PDLIM4: variants seen among roughly 807,000 people sequenced by gnomAD.
The protein encoded by PDLIM4 is PDZ and LIM domain 4.
A neutral mutation model predicts 31.3 loss-of-function variants in PDLIM4; 19 were observed. The ratio of observed to expected loss-of-function variants is 0.61; its 90% confidence interval spans 0.42 to 0.89. The LOEUF (loss-of-function observed/expected upper bound fraction) is 0.89, where lower values mean the gene tolerates loss of function less well. Ranked by LOEUF, PDLIM4 falls within the 40% of genes least tolerant of loss-of-function variation. The pLI is 0.00. For missense variants in PDLIM4, 442 were observed against 461.1 expected (o/e 0.96, Z 0.38); for synonymous variants, 176 against 190.1 (o/e 0.93, Z 0.61).
chr5:132,264,197 C>T (rs966368832), intron 2 of PDLIM4, among the ~76,000 whole-genome samples: 17 of 152,068 alleles, frequency 1.1e-4, no homozygotes, highest in African/African-American at 3.4e-4. Context: ...ATGATGTCAG[C>T]GGAGGGTGGT....
chr5:132,272,118 C>T lies in PDLIM4; in HGVS notation c.882C>T (p.Phe294=). 1.2e-6 allele frequency: 2 copies of T among 1,614,254 alleles called. No individual in the cohort carries two copies. Among genetic ancestry groups the T allele is most frequent in the Non-Finnish European group, 1.7e-6 (2 of 1,180,034 alleles). The change falls in exon 7 of 7, where the codon TTC becomes TTT. Residue 294 remains phenylalanine (F), a synonymous_variant. Transcript: ENST00000253754. ...CGLNLKQRGY[F]FLDERLYCES... is the part of the protein sequence containing the mutation. ...TGAACCTCAAGCAGCGTGGTTACTT[C>T]TTTCTGGACGAGCGGCTCTACTGTG...
chr5:132,271,902 G>A lies in PDLIM4; in HGVS notation c.782G>A (p.Gly261Asp), dbSNP rs1161753882. The change falls in exon 6 of 7, where the codon GGC becomes GAC. Residue 261 changes from glycine to aspartate, a missense_variant. Gly to Asp is a moderately conservative substitution (Grantham distance 94). Coordinates refer to ENST00000253754, the MANE Select transcript of PDLIM4 (RefSeq NM_003687.4). ...GLPECTRCGHGIVGTIVKARD... is the reference protein window; with the variant it reads ...GLPECTRCGHDIVGTIVKARD... Reference sequence around the variant, plus strand: ...CCCGAGTGCACGCGCTGCGGCCACGGCATCGTGTGAGTAACCGCCCCCGCT... The same window carrying A: ...CCCGAGTGCACGCGCTGCGGCCACGACATCGTGTGAGTAACCGCCCCCGCT... The A allele has an allele frequency of 6.2e-7, 1 of 1,605,954 alleles. No individual in the cohort carries two copies. Among genetic ancestry groups the A allele is most frequent in the South Asian group, 1.1e-5 (1 of 90,730 alleles).
chr5:132,266,598 A>C (rs1756497728), intron 3 of PDLIM4, 53 bp downstream of exon 3: 1 of 1,223,254 alleles, frequency 8.2e-7, no homozygotes, highest in Non-Finnish European at 1.2e-6. Flanking sequence ...CCCAGGGCAG[A>C]GGGGCCAGCA....
intron 2 of PDLIM4, among the ~76,000 whole-genome samples, chr5:132,263,702 G>C (rs888409898): frequency 6.6e-6 from 1 of 152,222 alleles, no homozygotes; most frequent in Admixed American, 6.5e-5. Context: ...GTGGAAGTAC[G>C]TGGGCAAAGC....
chr5:132,257,873 A>T lies in PDLIM4; in HGVS notation c.93+46A>T. 1 of 1,170,796 alleles carries T rather than the reference A, an allele frequency of 8.5e-7. No homozygotes were observed. The highest frequency in any genetic ancestry group is 3.2e-5 in the East Asian group (1 of 31,530). The allele number at this position is 1,170,796 out of a possible 1,614,324, so 72.5% of individuals were successfully genotyped here. Reference sequence around the variant, plus strand: ...GCGGCAGGGCGGTCCCATGTCTGAGACCGGGTTCTCGCGGTCCGCCCGGGA... The same window carrying T: ...GCGGCAGGGCGGTCCCATGTCTGAGTCCGGGTTCTCGCGGTCCGCCCGGGA... On this transcript the variant is annotated intron_variant, in intron 1 of 6. Transcript: ENST00000253754. This position sits in a 1 kb window ranked among gnomAD's most constrained non-coding sequence, Gnocchi z 4.3.
rs1756500128 is a variant in PDLIM4 at position 132,266,729 on chromosome 5, C to T, written c.327+184C>T. On this transcript the variant is annotated intron_variant, in intron 3 of 6. Transcript: ENST00000253754. ...CATCCCATGTTCCTCAGATGATGAG[C>T]ACCTGGTGTGGGCTCTGTCTCTACT... The T allele has an allele frequency of 8.1e-6, 4 of 491,798 alleles. No individual in the cohort carries two copies. The South Asian group carries it at 1.3e-4, about 17-fold the overall frequency. 30.5% of individuals were successfully genotyped at this position (491,798 alleles called of 1,614,324 possible).
chr5:132,259,093 C>T (rs1260742391), intron 1 of PDLIM4, among the ~76,000 whole-genome samples: 4 of 151,966 alleles, frequency 2.6e-5, no homozygotes, highest in Non-Finnish European at 4.4e-5. Context: ...GGGCCTTCAA[C>T]ACATCCCAGA....
At chr5:132,262,498 C>A in intron 1 of PDLIM4, 111 bp from the exon 2 acceptor site, 3 of 998,406 alleles carry the variant, frequency 3.0e-6, no homozygotes, top group Non-Finnish European at 4.3e-6. Flanking sequence ...ACAGGCCATG[C>A]TGGTAGCAGG....
Position 132,262,675 on chromosome 5 carries a change from G to T in PDLIM4, c.160G>T (p.Gly54Cys). The stretch of plus-strand genomic sequence containing the variant: ...AGGAGACCTGATCCAGGCCATCAAT[G>T]GTGAGAGCACAGAGCTCATGACACA... ...CPGDLIQAIN[G>C]ESTELMTHLE... The change falls in exon 2 of 7, where the codon GGT becomes TGT. Residue 54 changes from glycine to cysteine, a missense_variant. By Grantham distance (159) the Gly-to-Cys change is radical. Transcript: ENST00000253754. 1 of 1,613,106 alleles carries T rather than the reference G, an allele frequency of 6.2e-7. No individual in the cohort carries two copies. The highest frequency in any genetic ancestry group is 8.5e-7 in the Non-Finnish European group (1 of 1,179,566).
chr5:132,270,989 A>G lies in PDLIM4; in HGVS notation c.402A>G (p.Gly134=), dbSNP rs1756595202. ...TGPEDGRPSL[G]SPYGQPPRFP... is the part of the protein sequence containing the mutation. ...CAGAAGATGGCAGACCAAGCCTGGGATCTCCATATGGACAACCCCCTCGCT... is the reference window on the plus strand; with the variant it reads ...CAGAAGATGGCAGACCAAGCCTGGGGTCTCCATATGGACAACCCCCTCGCT... The change falls in exon 4 of 7, where the codon GGA becomes GGG. Residue 134 remains glycine (G), a synonymous_variant. Coordinates refer to ENST00000253754, the MANE Select transcript of PDLIM4 (RefSeq NM_003687.4). 1 of 1,614,052 alleles carries G rather than the reference A, an allele frequency of 6.2e-7. No homozygotes were observed. The highest frequency in any genetic ancestry group is 8.5e-7 in the Non-Finnish European group (1 of 1,179,938).
chr5:132,269,797 C>T (rs1005833978), intron 3 of PDLIM4, among the ~76,000 whole-genome samples: 1 of 152,144 alleles, frequency 6.6e-6, no homozygotes, highest in African/African-American at 2.4e-5. Context: ...AAGACCTACC[C>T]CATGGCCTGG....
chr5:132,271,091 C>G lies in PDLIM4; in HGVS notation c.504C>G (p.Pro168=). Residue 168 remains proline (P), a splice_region_variant and synonymous_variant, in exon 4 of 7, where the codon CCC becomes CCG. Coordinates refer to ENST00000253754, the MANE Select transcript of PDLIM4 (RefSeq NM_003687.4). ...GCACCCTGCATGTGTCTCCACCCCC[C>G]AGGTAGCACAGAGATGCCTTCGGTG... ...QMSTLHVSPP[P]SADPARGLPR... 1 of 1,613,174 alleles carries G rather than the reference C, an allele frequency of 6.2e-7. No homozygotes were observed. Among genetic ancestry groups the G allele is most frequent in the African/African-American group, 1.3e-5 (1 of 75,030 alleles).
rs954735830 is a variant in PDLIM4, at chr5:132,266,640, G to C, written c.327+95G>C. ...TTCACCTGCACTGAATGTCCTCACT[G>C]GGGCTCTCAGATACCCAAGACAGAG... On this transcript the variant is annotated intron_variant, in intron 3 of 6. Coordinates refer to ENST00000253754, the MANE Select transcript of PDLIM4 (RefSeq NM_003687.4). 59 of 740,764 alleles carry C rather than the reference G, an allele frequency of 8.0e-5. No homozygotes were observed. In the African/African-American group the frequency reaches 8.3e-4, roughly 10 times the overall value. The allele number at this position is 740,764 out of a possible 1,614,324, so 45.9% of individuals were successfully genotyped here.
At chr5:132,271,680 G>C in intron 5 of PDLIM4, 111 bp from the exon 6 acceptor site, 1 of 975,228 alleles carries the variant, frequency 1.0e-6, no homozygotes, top group Non-Finnish European at 1.7e-6. Flanking sequence ...CGCCAAACCC[G>C]TTCCCCAGTC....
chr5:132,271,590 C>A, intron 5 of PDLIM4, 124 bp downstream of exon 5: 1 of 1,110,850 alleles, frequency 9.0e-7, no homozygotes, highest in Non-Finnish European at 1.3e-6. Flanking sequence ...GGCCCGGTCC[C>A]ACGCCCTTGC....
chr5:132,259,883 G>A (rs1756336528), intron 1 of PDLIM4, among the ~76,000 whole-genome samples: 1 of 152,186 alleles, frequency 6.6e-6, no homozygotes, highest in South Asian at 2.1e-4. Context: ...AGCATCCAGG[G>A]TGTGCCAGGC....
intron 1 of PDLIM4, among the ~76,000 whole-genome samples, chr5:132,260,557 A>G (rs1193422137): frequency 6.6e-6 from 1 of 152,056 alleles, no homozygotes; most frequent in Admixed American, 6.5e-5. Context: ...GCCATTATAC[A>G]TGCTGGTCCT....
chr5:132,271,495 G>A (rs777193344), intron 5 of PDLIM4, 29 bp downstream of exon 5: 4 of 1,604,262 alleles, frequency 2.5e-6, no homozygotes, highest in Non-Finnish European at 3.4e-6. Context: ...GTCCCCATCT[G>A]CCTTCCCACT....
rs1476072732 is a variant in PDLIM4 at position 132,257,798 on chromosome 5, G to A, written c.64G>A (p.Asp22Asn). 3.3e-6 allele frequency: 5 copies of A among 1,506,274 alleles called. No homozygotes were observed. The highest frequency in any genetic ancestry group is 2.5e-5 in the South Asian group (2 of 81,310). The allele number at this position is 1,506,274 out of a possible 1,614,324, so 93.3% of individuals were successfully genotyped here. Residue 22 changes from aspartate (D) to asparagine (N), a missense_variant, in exon 1 of 7, where the codon GAC (aspartate) becomes AAC (asparagine). Physicochemically the swap from Asp to Asn is conservative, Grantham distance 23 (BLOSUM62 1). Coordinates refer to ENST00000253754, the MANE Select transcript of PDLIM4 (RefSeq NM_003687.4). The surrounding 1 kb of genome is among the most constrained non-coding windows in gnomAD (Gnocchi z 4.3). Reference sequence around the variant, plus strand: ...GGGCTTCCGCCTGGTGGGCGGCCGGGACTTCAGCGCGCCCCTCACCATCTC... The same window carrying A: ...GGGCTTCCGCCTGGTGGGCGGCCGGAACTTCAGCGCGCCCCTCACCATCTC... ...PWGFRLVGGR[D>N]FSAPLTISRV...
Sources: allele counts gnomAD v4.1 joint callset (sites outside exome capture counted in the v4.1 genomes callset), GRCh38; gene constraint gnomAD v4.1.1; non-coding constraint Gnocchi (gnomAD v3.1); transcripts MANE v1.5; gene names NCBI Gene and HGNC (gene_info 2026-07-23, HGNC 2026-07-21).